LYPLAL1: variants seen among roughly 807,000 people sequenced by gnomAD.
LYPLAL1 encodes lysophospholipase like 1.
In LYPLAL1, 23 loss-of-function variants were observed where a neutral mutation model predicts 19.7. The observed-to-expected ratio is 1.17, with a 90% CI of 0.84 to 1.65. The LOEUF is 1.65. Ranked by LOEUF, LYPLAL1 falls within the 40% of genes most tolerant of loss-of-function variation. The pLI is 0.00. For synonymous variants in LYPLAL1, 119 were observed against 96.3 expected (o/e 1.24, Z -1.38); for missense variants, 355 against 279.4 (o/e 1.27, Z -1.93).
chr1:219,366,359 T>G, the LYPLAL1 span, among the ~76,000 whole-genome samples: 2 of 152,234 alleles, frequency 1.3e-5, no homozygotes, highest in African/African-American at 2.4e-5. Context: ...GAAATAAGAA[T>G]GTTTGCCCAT....
chr1:219,271,977 C>G, the LYPLAL1 span: 1 of 152,256 alleles, frequency 6.6e-6, no homozygotes, highest in African/African-American at 2.4e-5. Context: ...AAGGAAGACC[C>G]ACACCCAGCA....
chr1:219,295,801 C>A, the LYPLAL1 span, among the ~76,000 whole-genome samples: 1 of 152,116 alleles, frequency 6.6e-6, no homozygotes, highest in African/African-American at 2.4e-5. Flanking sequence ...CTTTTGCTTA[C>A]AGAATCAAAT....
At chr1:219,240,774 T>C in the LYPLAL1 span, among the ~76,000 whole-genome samples, 1 of 152,038 alleles carries the variant, frequency 6.6e-6, no homozygotes, top group Admixed American at 6.6e-5. Context: ...AATTGGGTGG[T>C]CTTTTGTGTA....
At chr1:219,261,279 T>C in the LYPLAL1 span, among the ~76,000 whole-genome samples, 1 of 152,182 alleles carries the variant, frequency 6.6e-6, no homozygotes, top group Non-Finnish European at 1.5e-5. Context: ...AAAATCTAAA[T>C]CTCTCATCGT....
the LYPLAL1 span, among the ~76,000 whole-genome samples, chr1:219,419,590 C>CAGAGAG: frequency 4.1e-3 from 251 of 61,380 alleles, 1 homozygote; most frequent in South Asian, 0.023. Context: ...CACACACACA[C>CAGAGAG]ACACAGAGAG....
chr1:219,253,600 A>C, the LYPLAL1 span, among the ~76,000 whole-genome samples: 1 of 142,344 alleles, frequency 7.0e-6, no homozygotes, highest in Non-Finnish European at 1.6e-5. Context: ...AGTGATTTTC[A>C]TAGTCTTTAC....
chr1:219,224,117 G>A, the LYPLAL1 span, among the ~76,000 whole-genome samples: 2 of 151,976 alleles, frequency 1.3e-5, no homozygotes, highest in African/African-American at 4.8e-5. Flanking sequence ...AATATTGAGT[G>A]GGGGTGTCCA....
At chr1:219,198,732 GC>G (rs762922366) in intron 3 of LYPLAL1, 4 of 152,164 alleles carry the variant, frequency 2.6e-5, no homozygotes, top group Non-Finnish European at 2.9e-5. Flanking sequence ...GGTTGCTAAA[GC>G]TATGTTTTAA....
chr1:219,192,975 A>T, intron 2 of LYPLAL1, 107 bp from the exon 3 acceptor site: 1 of 1,161,818 alleles, frequency 8.6e-7, no homozygotes, highest in Non-Finnish European at 1.2e-6. Flanking sequence ...AACTTAGAAG[A>T]AATTGAAATC....
the LYPLAL1 span, among the ~76,000 whole-genome samples, chr1:219,270,393 G>A: frequency 6.6e-6 from 1 of 152,214 alleles, no homozygotes; most frequent in African/African-American, 2.4e-5. Flanking sequence ...AGCTTGAGGA[G>A]GTGGTGTCTG....
chr1:219,298,223 T>C, the LYPLAL1 span, among the ~76,000 whole-genome samples: 1 of 152,054 alleles, frequency 6.6e-6, no homozygotes, highest in African/African-American at 2.4e-5. Flanking sequence ...GGTGGGAGAA[T>C]CACCTGAACC....
chr1:219,205,834 T>G (rs867199874), intron 3 of LYPLAL1, among the ~76,000 whole-genome samples: 8 of 152,188 alleles, frequency 5.3e-5, no homozygotes, highest in African/African-American at 1.9e-4. Context: ...CATTTTATGT[T>G]TCTTCAACAA....
the LYPLAL1 span, among the ~76,000 whole-genome samples, chr1:219,373,863 C>CAAAAAAAAAAAAAAAACA: frequency 9.8e-6 from 1 of 102,216 alleles, no homozygotes; most frequent in Non-Finnish European, 2.0e-5. Flanking sequence ...ATAAAATTGT[C>CAAAAAAAAAAAAAAAACA]AAAAAAAAAA....
chr1:219,395,139 C>T, the LYPLAL1 span, among the ~76,000 whole-genome samples: 1 of 152,146 alleles, frequency 6.6e-6, no homozygotes, highest in African/African-American at 2.4e-5. Context: ...GGTATATACC[C>T]AGTAATGGGA....
At chr1:219,331,776 G>A in the LYPLAL1 span, among the ~76,000 whole-genome samples, 5 of 152,204 alleles carry the variant, frequency 3.3e-5, no homozygotes, top group Middle Eastern at 3.4e-3. Context: ...GTCTGTAGCC[G>A]TAACTCAAGG....
At chr1:219,317,387 G>T in the LYPLAL1 span, among the ~76,000 whole-genome samples, 1 of 152,072 alleles carries the variant, frequency 6.6e-6, no homozygotes. Context: ...TAAATGTCCT[G>T]TTGAATATTT....
the LYPLAL1 span, among the ~76,000 whole-genome samples, chr1:219,262,741 G>T: frequency 3.9e-5 from 6 of 152,328 alleles, no homozygotes; most frequent in South Asian, 1.2e-3. Flanking sequence ...GGAGGTGGCA[G>T]GGGAGGGAAG....
chr1:219,366,254 T>C, the LYPLAL1 span, among the ~76,000 whole-genome samples: 4 of 152,266 alleles, frequency 2.6e-5, no homozygotes, highest in African/African-American at 7.2e-5. Context: ...AAATATCCAA[T>C]ATGCACTGAA....
chr1:219,194,729 G>A (rs989418585), intron 3 of LYPLAL1, among the ~76,000 whole-genome samples: 1 of 152,040 alleles, frequency 6.6e-6, no homozygotes. Context: ...AGTACTGTAG[G>A]AATTGAGAGG....
Sources: allele counts gnomAD v4.1 joint callset (sites outside exome capture counted in the v4.1 genomes callset), GRCh38; gene constraint gnomAD v4.1.1; transcripts MANE v1.5; gene names NCBI Gene and HGNC (gene_info 2026-07-23, HGNC 2026-07-21).